The following DARS2 variants were observed in gnomAD, a reference collection of about 807,000 sequenced individuals.
DARS2 encodes the protein aspartyl-tRNA synthetase 2, mitochondrial.
Under a neutral mutation model 83.0 loss-of-function variants are expected in DARS2, and 63 were observed. The observed-to-expected ratio is 0.76, with a 90% CI of 0.62 to 0.94. DARS2 has a LOEUF of 0.94. Ranked by LOEUF, DARS2 falls within the 40% of genes least tolerant of loss-of-function variation. The pLI, the probability that DARS2 is intolerant of heterozygous loss-of-function variation, is 0.00. For synonymous variants in DARS2, 250 were observed against 269.3 expected (o/e 0.93, Z 0.70); for missense variants, 675 against 774.4 (o/e 0.87, Z 1.52).
rs775078060 is a variant in DARS2, at chr1:173,831,576, T to G, written c.438T>G (p.Ala146=). The G allele has an allele frequency of 5.0e-6, 8 of 1,614,016 alleles. No individual in the cohort carries two copies. Among genetic ancestry groups the G allele is most frequent in the African/African-American group, 1.3e-5 (1 of 74,948 alleles). ...AGATTGAAATCAAAGTTAAAACAGC[T>G]GAGCTTCTGAATGCCTGCAAGAAGC... The part of the protein sequence containing the change: ...TGEIEIKVKT[A]ELLNACKKLP... Residue 146 remains alanine, a synonymous_variant, in exon 5 of 17, where the codon GCT becomes GCG. Coordinates refer to ENST00000649689, the MANE Select transcript of DARS2 (RefSeq NM_018122.5).
intron 11 of DARS2, among the ~76,000 whole-genome samples, chr1:173,843,419 G>C (rs1653307180): frequency 6.6e-6 from 1 of 152,138 alleles, no homozygotes; most frequent in Admixed American, 6.5e-5. Context: ...AATTAGCCAG[G>C]TGTGGTTGTG....
intron 5 of DARS2, among the ~76,000 whole-genome samples, chr1:173,832,272 G>A (rs1422160527): frequency 6.6e-6 from 1 of 151,888 alleles, no homozygotes; most frequent in Admixed American, 6.5e-5. Flanking sequence ...CAATACTTAC[G>A]TTTAAGTTCA....
intron 3 of DARS2, among the ~76,000 whole-genome samples, chr1:173,830,385 GT>G (rs1652749996): frequency 6.6e-6 from 1 of 152,104 alleles, no homozygotes; most frequent in South Asian, 2.1e-4. Flanking sequence ...TGTGGGACTT[GT>G]TTGCACTAAT....
intron 12 of DARS2, among the ~76,000 whole-genome samples, chr1:173,847,311 TTTTG>T (rs765755408): frequency 4.6e-5 from 7 of 152,184 alleles, no homozygotes; most frequent in Admixed American, 6.5e-5. Flanking sequence ...TATCTTCCAA[TTTTG>T]TTTATTTTTA....
chr1:173,851,707 C>G, intron 13 of DARS2: 1 of 346,490 alleles, frequency 2.9e-6, no homozygotes, highest in Non-Finnish European at 4.1e-6. Context: ...CTGTAAAGAT[C>G]AAGCATGATA....
At chr1:173,847,425 A>G (rs778138127) in intron 12 of DARS2, among the ~76,000 whole-genome samples, 59 of 151,676 alleles carry the variant, frequency 3.9e-4, no homozygotes, top group Non-Finnish European at 7.2e-4. Context: ...CTATTATTAC[A>G]TTTTCTTCTT....
At chr1:173,837,882 T>C (rs1002204458) in intron 8 of DARS2, among the ~76,000 whole-genome samples, 6 of 151,898 alleles carry the variant, frequency 4.0e-5, no homozygotes, top group African/African-American at 1.4e-4. Flanking sequence ...GAAGTGATTC[T>C]CCTGCCCTTG....
chr1:173,834,732 GTT>G, intron 7 of DARS2, among the ~76,000 whole-genome samples: 1,081 of 21,612 alleles, frequency 0.05, 11 homozygotes, highest in East Asian at 0.078. Context: ...GAGTTTTTTT[GTT>G]TTTTTTTTTT....
At chr1:173,842,946 A>G (rs1451707769) in intron 11 of DARS2, among the ~76,000 whole-genome samples, 1 of 151,734 alleles carries the variant, frequency 6.6e-6, no homozygotes, top group Non-Finnish European at 1.5e-5. Flanking sequence ...CTTAAAAAAA[A>G]AAAAAAAAAA....
intron 12 of DARS2, among the ~76,000 whole-genome samples, chr1:173,846,261 G>A (rs1279188954): frequency 6.6e-6 from 1 of 152,124 alleles, no homozygotes; most frequent in East Asian, 1.9e-4. Context: ...AACACAGGAG[G>A]TGGAGGTTGC....
chr1:173,849,890 C>T (rs899205983), intron 12 of DARS2, among the ~76,000 whole-genome samples: 10 of 128,534 alleles, frequency 7.8e-5, no homozygotes, highest in Non-Finnish European at 4.7e-5. Context: ...TTGAGTCTCA[C>T]TCTGTCACCC....
At chr1:173,832,374 G>C (rs911303122) in intron 5 of DARS2, among the ~76,000 whole-genome samples, 9 of 152,100 alleles carry the variant, frequency 5.9e-5, no homozygotes, top group African/African-American at 2.2e-4. Flanking sequence ...TTTTGAAAAA[G>C]AAAATATATA....
chr1:173,829,151 C>CT (rs1451497997), intron 3 of DARS2, among the ~76,000 whole-genome samples: 13 of 152,010 alleles, frequency 8.6e-5, no homozygotes, highest in Non-Finnish European at 1.8e-4. Flanking sequence ...CTCCAGCACT[C>CT]TAAGTGCTGT....
chr1:173,856,517 C>T, intron 15 of DARS2, 149 bp from the exon 16 acceptor site: 1 of 683,400 alleles, frequency 1.5e-6, no homozygotes, highest in African/African-American at 1.8e-5. Flanking sequence ...TTTTTCTTTA[C>T]ACTTTTCCAA....
At chr1:173,826,870 C>A in intron 2 of DARS2, 84 bp downstream of exon 2, 1 of 1,038,438 alleles carries the variant, frequency 9.6e-7, no homozygotes, top group Non-Finnish European at 1.5e-6. Flanking sequence ...ACAACCAGTC[C>A]GAAGAATAAA....
intron 11 of DARS2, among the ~76,000 whole-genome samples, chr1:173,841,541 A>C (rs6678824): frequency 0.09 from 13,699 of 151,836 alleles, 1,977 homozygotes; most frequent in African/African-American, 0.31. Flanking sequence ...AGCCAGGCAT[A>C]GTAGCTCATA....
At chr1:173,838,386 C>T (rs1653085389) in intron 9 of DARS2, 127 bp downstream of exon 9, 2 of 714,892 alleles carry the variant, frequency 2.8e-6, no homozygotes, top group Non-Finnish European at 4.9e-6. Context: ...TTTAATTAAA[C>T]TCACCTGCAG....
At chr1:173,844,669 CAAAAAAAAAAAAAAAAAAAAAAAAAA>C (rs549839808) in intron 11 of DARS2, among the ~76,000 whole-genome samples, 6 of 29,930 alleles carry the variant, frequency 2.0e-4, no homozygotes, top group African/African-American at 4.0e-4. Context: ...GACTCCATCG[CAAAAAAAAAAAAAAAAAAAAAAAAAA>C]AAAAAAAAAA....
intron 12 of DARS2, among the ~76,000 whole-genome samples, chr1:173,847,721 C>G (rs1653488046): frequency 6.6e-6 from 1 of 150,746 alleles, no homozygotes; most frequent in African/African-American, 2.4e-5. Flanking sequence ...TCTCTACATA[C>G]TTTTTTTTTC....
Sources: allele counts gnomAD v4.1 joint callset (sites outside exome capture counted in the v4.1 genomes callset), GRCh38; gene constraint gnomAD v4.1.1; transcripts MANE v1.5; gene names NCBI Gene and HGNC (gene_info 2026-07-23, HGNC 2026-07-21).